PPM1F: variants seen among roughly 807,000 people sequenced by gnomAD.
PPM1F encodes the protein protein phosphatase, Mg2+/Mn2+ dependent 1F, also known as protein phosphatase 1F.
A neutral mutation model predicts 35.5 loss-of-function variants in PPM1F; 17 were observed. The observed-to-expected ratio is 0.48, with a 90% CI of 0.33 to 0.72. The LOEUF (loss-of-function observed/expected upper bound fraction) is 0.72. Ranked by LOEUF, PPM1F falls within the 30% of genes least tolerant of loss-of-function variation. The pLI is 0.02. For synonymous variants in PPM1F, 241 were observed against 255.5 expected (o/e 0.94, Z 0.54); for missense variants, 521 against 613.0 (o/e 0.85, Z 1.59).
At chr22:21,923,681 T>TTTTTTTC (rs1208087693) in intron 7 of PPM1F, among the ~76,000 whole-genome samples, 1 of 139,540 alleles carries the variant, frequency 7.2e-6, no homozygotes, top group Non-Finnish European at 1.6e-5. Flanking sequence ...GAGCTCCCCC[T>TTTTTTTC]TTTTTTCTTT....
At chr22:21,923,548 C>T (rs903327911) in intron 7 of PPM1F, 77 bp from the exon 8 acceptor site, 40 of 1,487,474 alleles carry the variant, frequency 2.7e-5, no homozygotes, top group Middle Eastern at 2.3e-4. Flanking sequence ...AGGCCTAGAC[C>T]TCACATCCTG....
At position 21,933,271 on chromosome 22, in the gene PPM1F, C is replaced by G. The variant is rs530060016; in HGVS notation, c.747+120G>C. On this transcript the variant is annotated intron_variant, in intron 5 of 7. Coordinates refer to ENST00000263212, the MANE Select transcript of PPM1F (RefSeq NM_014634.4). ...CCTTTAGAAAAAATGGCAGGACCAC[C>G]GGCAGTGTTTAGTGAGGACCTTCCA... 5.2e-5 allele frequency: 48 copies of G among 919,716 alleles called. 2 individuals are homozygous for G. The South Asian group carries it at 8.0e-4, about 15-fold the overall frequency. The allele number at this position is 919,716 out of a possible 1,614,324, so 57.0% of individuals were successfully genotyped here.
In PPM1F at chr22:21,922,443, G is replaced by C. The variant is rs926866501; in HGVS notation, c.*649C>G. The C allele has an allele frequency of 6.6e-6, 1 of 152,374 alleles. No homozygotes were observed. Among genetic ancestry groups the C allele is most frequent in the Non-Finnish European group, 1.5e-5 (1 of 68,058 alleles). 9.4% of individuals were successfully genotyped at this position (152,374 alleles called of 1,614,324 possible). ...AAGACACATGTGCGTCGCCGGTTCC[G>C]GGCTCAGGGAAGAGAGCAGCCCGGA... is the stretch of plus-strand genomic sequence containing the variant. On this transcript the variant is annotated 3_prime_UTR_variant, in exon 8 of 8. Coordinates refer to ENST00000263212, the MANE Select transcript of PPM1F (RefSeq NM_014634.4).
chr22:21,925,498 C>T (rs760517430), intron 7 of PPM1F, 71 bp downstream of exon 7: 15 of 1,371,082 alleles, frequency 1.1e-5, no homozygotes, highest in Non-Finnish European at 1.5e-5. Flanking sequence ...CCTGGTGAGC[C>T]GCGGGCCACA....
At chr22:21,933,967 C>T in intron 4 of PPM1F, 57 bp downstream of exon 4, 2 of 1,481,986 alleles carry the variant, frequency 1.3e-6, no homozygotes, top group Non-Finnish European at 1.8e-6. Context: ...CTGGGGGGCC[C>T]CCACCCTCGC....
At chr22:21,934,293 C>A in intron 3 of PPM1F, 67 bp from the exon 4 acceptor site, 3 of 1,365,758 alleles carry the variant, frequency 2.2e-6, no homozygotes, top group Non-Finnish European at 3.0e-6. Context: ...TCGCTGGCTC[C>A]CTGACAGCTC....
At chr22:21,925,959 C>T (rs771852952) in intron 6 of PPM1F, 4 of 345,288 alleles carry the variant, frequency 1.2e-5, no homozygotes, top group Non-Finnish European at 2.1e-5. Flanking sequence ...GAGGCACTCA[C>T]GAGGCTTGCG....
chr22:21,925,162 T>G lies in PPM1F; in HGVS notation c.985+407A>C, dbSNP rs562930249. 1.8e-3 allele frequency: 522 copies of G among 288,050 alleles called. 3 individuals are homozygous for G. The highest frequency in any genetic ancestry group is 0.01 in the African/African-American group (484 of 46,194). 17.8% of individuals were successfully genotyped at this position (288,050 alleles called of 1,614,324 possible). A position where few individuals can be genotyped will look rare whatever the true frequency, so the allele number is the denominator to read the frequency against. On this transcript the variant is annotated intron_variant, in intron 7 of 7. Transcript: ENST00000263212. Reference sequence around the variant, plus strand: ...CACCCACCTCGGCCTCCCAAAGTGCTGGGATTACAGGCGTGAGCCACCGCG... The same window carrying G: ...CACCCACCTCGGCCTCCCAAAGTGCGGGGATTACAGGCGTGAGCCACCGCG...
intron 3 of PPM1F, chr22:21,936,908 G>A (rs528961598): frequency 6.6e-6 from 1 of 152,338 alleles, no homozygotes; most frequent in East Asian, 1.9e-4. Context: ...AATTTGTTAT[G>A]TAGCAACAAA....
intron 2 of PPM1F, chr22:21,943,508 G>C (rs913707469): frequency 6.6e-6 from 1 of 152,190 alleles, no homozygotes; most frequent in Non-Finnish European, 1.5e-5. Context: ...CACCCCTCCT[G>C]CTCGCACCCA....
chr22:21,938,745 GC>G, intron 3 of PPM1F: 1 of 260,888 alleles, frequency 3.8e-6, no homozygotes, highest in East Asian at 1.8e-4. Flanking sequence ...GCTGCAGCCT[GC>G]GATTCTTACG....
At chr22:21,943,845 C>T (rs746306252) in intron 2 of PPM1F, 1 of 152,374 alleles carries the variant, frequency 6.6e-6, no homozygotes, top group African/African-American at 2.4e-5. Context: ...TGTTGTTCCC[C>T]GGGATGGCTT....
At chr22:21,940,260 G>A (rs151269995) in intron 2 of PPM1F, among the ~76,000 whole-genome samples, 26 of 152,270 alleles carry the variant, frequency 1.7e-4, no homozygotes, top group African/African-American at 6.3e-4. Context: ...AGATCACGAG[G>A]TCAGGAGTTT....
intron 6 of PPM1F, among the ~76,000 whole-genome samples, chr22:21,929,451 G>T (rs2070561962): frequency 6.6e-6 from 1 of 152,154 alleles, no homozygotes; most frequent in African/African-American, 2.4e-5. Flanking sequence ...CCGGGACCAG[G>T]CAAGGCCATC....
chr22:21,943,005 G>C (rs1569131487), intron 2 of PPM1F: 1 of 152,276 alleles, frequency 6.6e-6, no homozygotes, highest in Admixed American at 6.5e-5. Context: ...ATTAGTGTAC[G>C]GTATGCACTG....
chr22:21,925,525 C>T (rs2070502007), intron 7 of PPM1F, 44 bp downstream of exon 7: 1 of 1,582,910 alleles, frequency 6.3e-7, no homozygotes, highest in Non-Finnish European at 8.7e-7. Context: ...GCCTGGGCTT[C>T]CGAGAGACCT....
chr22:21,932,172 C>T (rs550888592), intron 5 of PPM1F, among the ~76,000 whole-genome samples: 4 of 152,128 alleles, frequency 2.6e-5, no homozygotes, highest in Admixed American at 6.5e-5. Context: ...AGGCTGGTCT[C>T]GAATTCCTAA....
chr22:21,947,545 A>G (rs2070789576), intron 1 of PPM1F: 1 of 151,856 alleles, frequency 6.6e-6, no homozygotes, highest in Non-Finnish European at 1.5e-5. Flanking sequence ...ACAAACGGAC[A>G]TGAGACTCTG....
chr22:21,939,426 G>T lies in PPM1F; in HGVS notation c.355+106C>A. 1 of 1,439,122 alleles carries T rather than the reference G, an allele frequency of 6.9e-7. No individual in the cohort carries two copies. The highest frequency in any genetic ancestry group is 9.4e-7 in the Non-Finnish European group (1 of 1,060,112). The allele number at this position is 1,439,122 out of a possible 1,614,324, so 89.1% of individuals were successfully genotyped here. ...GATTCTGCTGCCGTTGTGAGCGAGGGCCCCAGCACCCTTAGGGACCCCAAT... is the reference window on the plus strand; with the variant it reads ...GATTCTGCTGCCGTTGTGAGCGAGGTCCCCAGCACCCTTAGGGACCCCAAT... On this transcript the variant is annotated intron_variant, in intron 3 of 7. Transcript: ENST00000263212. The surrounding 1 kb of genome is among the most constrained non-coding windows in gnomAD (Gnocchi z 5.1).
Sources: gnomAD v4.1 joint callset for allele counts (sites outside exome capture counted in the v4.1 genomes callset) on GRCh38, gnomAD v4.1.1 for gene constraint, Gnocchi (gnomAD v3.1) non-coding constraint, MANE v1.5 for transcripts, NCBI Gene and HGNC (gene_info 2026-07-23, HGNC 2026-07-21) for gene names.